The following UNC13A variants were observed in gnomAD, a reference collection of about 807,000 sequenced individuals.
UNC13A encodes protein unc-13 homolog A.
Under a neutral mutation model 219.7 loss-of-function variants are expected in UNC13A, and 61 were observed. That is an observed-to-expected ratio of 0.28 (90% CI 0.23 to 0.34). UNC13A has a LOEUF of 0.34. Among genes scored for constraint, UNC13A ranks in the 10% least tolerant of loss-of-function variants. The pLI is 1.00. For synonymous variants in UNC13A, 920 were observed against 884.6 expected (o/e 1.04, Z -0.71); for missense variants, 1,476 against 2,270.3 (o/e 0.65, Z 7.11).
At chr19:17,616,684 G>A (rs73922147) in intron 41 of UNC13A, among the ~76,000 whole-genome samples, 1,970 of 152,270 alleles carry the variant, frequency 0.013, 33 homozygotes, top group African/African-American at 0.046. Flanking sequence ...GGACACCAGG[G>A]ACACTAAAAG....
chr19:17,628,167 T>G, intron 31 of UNC13A: 2 of 494,610 alleles, frequency 4.0e-6, no homozygotes. Flanking sequence ...ACTCAAGTAA[T>G]CCCACGACCC....
rs2076496295 is a variant in UNC13A at position 17,604,132 on chromosome 19, A to G, written c.*1922T>C. On this transcript the variant is annotated 3_prime_UTR_variant, in exon 44 of 44. Transcript: ENST00000519716. ...TAGGTGTCTTTTCAACACAGCCTTC[A>G]GAATCTTTCCAAGAATCCATTTCAG... 2 of 152,212 alleles carry G rather than the reference A, an allele frequency of 1.3e-5. No homozygotes were observed. The highest frequency in any genetic ancestry group is 2.9e-5 in the Non-Finnish European group (2 of 68,062). 9.4% of individuals were successfully genotyped at this position (152,212 alleles called of 1,614,324 possible).
At chr19:17,685,759 C>T (rs140215614) in intron 1 of UNC13A, among the ~76,000 whole-genome samples, 3 of 152,288 alleles carry the variant, frequency 2.0e-5, no homozygotes, top group Non-Finnish European at 4.4e-5. Flanking sequence ...TTTGTGTCCA[C>T]ACAGGAACAA....
intron 1 of UNC13A, among the ~76,000 whole-genome samples, chr19:17,678,626 C>T (rs1278551843): frequency 6.6e-6 from 1 of 151,972 alleles, no homozygotes; most frequent in Non-Finnish European, 1.5e-5. Flanking sequence ...CCACCCAGCC[C>T]CCAGGGAGCG....
At chr19:17,686,677 G>A (rs1401900559) in intron 1 of UNC13A, among the ~76,000 whole-genome samples, 2 of 152,074 alleles carry the variant, frequency 1.3e-5, no homozygotes, top group African/African-American at 2.4e-5. Context: ...CCGTCCAGCA[G>A]AAACGAGCTT....
intron 1 of UNC13A, among the ~76,000 whole-genome samples, chr19:17,687,646 G>A (rs986579779): frequency 6.6e-6 from 1 of 152,012 alleles, no homozygotes; most frequent in Non-Finnish European, 1.5e-5. Flanking sequence ...TAGAACTCGT[G>A]GATGCCCTGA....
At chr19:17,675,066 G>A (rs544470988) in intron 2 of UNC13A, among the ~76,000 whole-genome samples, 66 of 152,182 alleles carry the variant, frequency 4.3e-4, no homozygotes, top group Non-Finnish European at 7.8e-4. Flanking sequence ...AGTGGCTCGC[G>A]CCTATAATGC....
At chr19:17,656,852 C>CA (rs59091574) in intron 9 of UNC13A, among the ~76,000 whole-genome samples, 1,056 of 102,068 alleles carry the variant, frequency 0.01, 10 homozygotes, top group Admixed American at 0.038. Context: ...AATTCCGTCT[C>CA]AAAAAAAAAA....
At chr19:17,653,329 A>AAT (rs58439414) in intron 11 of UNC13A, among the ~76,000 whole-genome samples, 4,088 of 148,416 alleles carry the variant, frequency 0.028, 182 homozygotes, top group African/African-American at 0.093. Flanking sequence ...TCCTGAAATA[A>AAT]ATATATATAT....
rs536197787 is a variant in UNC13A, at chr19:17,629,533, C to T, written c.3670-210G>A. Among the ~76,000 whole-genome samples, 7 of 152,210 alleles carry T rather than the reference C, an allele frequency of 4.6e-5. No homozygotes were observed. In the South Asian group the frequency reaches 1.5e-3, roughly 32 times the overall value. On this transcript the variant is annotated intron_variant, in intron 30 of 43. Coordinates refer to ENST00000519716, the MANE Select transcript of UNC13A (RefSeq NM_001080421.3). ...GATGAAGATGATCATTTTATGTAGA[C>T]CCAGCTCTTTTTCAGAGCAACCAAG...
intron 33 of UNC13A, 106 bp from the exon 34 acceptor site, chr19:17,626,891 A>T: frequency 7.0e-7 from 1 of 1,435,014 alleles, no homozygotes; most frequent in Non-Finnish European, 9.2e-7. Context: ...ACAGCACATA[A>T]CCGAGCAAGA....
At chr19:17,644,523 G>GT (rs57314065) in intron 19 of UNC13A, among the ~76,000 whole-genome samples, 1,705 of 99,126 alleles carry the variant, frequency 0.017, 55 homozygotes, top group African/African-American at 0.058. Flanking sequence ...TTTTTCTTTT[G>GT]TTTTTTTTTT....
chr19:17,641,273 C>T, intron 21 of UNC13A, 120 bp downstream of exon 21: 1 of 1,317,266 alleles, frequency 7.6e-7, no homozygotes, highest in Non-Finnish European at 1.0e-6. Flanking sequence ...ACGGAACCCA[C>T]CACCACCACG....
intron 41 of UNC13A, among the ~76,000 whole-genome samples, chr19:17,613,473 G>A (rs1292787417): frequency 1.3e-5 from 2 of 152,010 alleles, no homozygotes; most frequent in African/African-American, 4.8e-5. Context: ...TAATCAAAGT[G>A]GTTTTTGTGA....
At chr19:17,680,894 T>TTC (rs2080000929) in intron 1 of UNC13A, among the ~76,000 whole-genome samples, 1 of 94,850 alleles carries the variant, frequency 1.1e-5, no homozygotes, top group African/African-American at 4.7e-5. Flanking sequence ...CTTTTCTTTT[T>TTC]TTTTTTTTTT....
intron 1 of UNC13A, among the ~76,000 whole-genome samples, chr19:17,684,005 A>G (rs2080066229): frequency 6.6e-6 from 1 of 152,154 alleles, no homozygotes; most frequent in Non-Finnish European, 1.5e-5. Flanking sequence ...CTGAGGCAGG[A>G]GGATCACTTG....
At chr19:17,635,885 C>A in intron 26 of UNC13A, 139 bp downstream of exon 26, 2 of 1,011,788 alleles carry the variant, frequency 2.0e-6, no homozygotes, top group Non-Finnish European at 2.7e-6. Context: ...GAATTTTGCA[C>A]AGGTATAATC....
intron 17 of UNC13A, 103 bp downstream of exon 17, chr19:17,647,162 A>T: frequency 9.2e-7 from 1 of 1,088,346 alleles, no homozygotes; most frequent in Non-Finnish European, 1.3e-6. Context: ...CGACCGAGTG[A>T]GTGCGCGCTG....
chr19:17,670,585 C>T (rs1375067638), intron 4 of UNC13A, among the ~76,000 whole-genome samples: 1 of 151,922 alleles, frequency 6.6e-6, no homozygotes, highest in Non-Finnish European at 1.5e-5. Context: ...ACCATTTCGT[C>T]CCTCTGCATT....
Sources: gnomAD v4.1 joint callset for allele counts (sites outside exome capture counted in the v4.1 genomes callset) on GRCh38, gnomAD v4.1.1 for gene constraint, MANE v1.5 for transcripts, NCBI Gene and HGNC (gene_info 2026-07-23, HGNC 2026-07-21) for gene names.